Variants in CSMD1 observed in about 807,000 individuals in gnomAD.
The protein encoded by CSMD1 is CUB and Sushi multiple domains 1.
Under a neutral mutation model 417.5 loss-of-function variants are expected in CSMD1, and 213 were observed. The ratio of observed to expected loss-of-function variants is 0.51; its 90% CI spans 0.46 to 0.57. The LOEUF (loss-of-function observed/expected upper bound fraction) is 0.57. Ranked by LOEUF, CSMD1 falls within the 20% of genes least tolerant of loss-of-function variation. CSMD1 has a pLI of 0.00. For synonymous variants in CSMD1, 2,862 were observed against 1,736.8 expected, an observed-to-expected ratio of 1.65 and a Z score of -16.11; for missense variants, 6,923 against 4,529.7, an observed-to-expected ratio of 1.53 and a Z score of -15.17.
chr8:4,060,002 T>G (rs1252378622), intron 3 of CSMD1, among the ~76,000 whole-genome samples: 2 of 152,128 alleles, frequency 1.3e-5, no homozygotes, highest in Non-Finnish European at 2.9e-5. Flanking sequence ...AAAGAGAATT[T>G]TAGACCAATA....
In CSMD1 at chr8:3,411,752, G is replaced by GTATA. The variant is rs1286739507; in HGVS notation, c.1562-2151_1562-2148dup. Among the ~76,000 whole-genome samples, 26 of 119,838 alleles carry GTATA rather than the reference G, an allele frequency of 2.2e-4. 1 individual carries two copies. Among genetic ancestry groups the GTATA allele is most frequent in the Non-Finnish European group, 2.9e-4 (17 of 59,236 alleles). The allele number at this position is 119,838 out of a possible 152,430, so 78.6% of individuals were successfully genotyped here. On this transcript the variant is annotated intron_variant, in intron 12 of 69. Coordinates refer to ENST00000635120, the MANE Select transcript of CSMD1 (RefSeq NM_033225.6). ...TATATACACGTGTATATATACACGT[G>GTATA]TATATACGTGTATATACGTGTGTAT...
At chr8:4,071,264 C>T (rs565468536) in intron 3 of CSMD1, among the ~76,000 whole-genome samples, 4 of 152,054 alleles carry the variant, frequency 2.6e-5, no homozygotes, top group African/African-American at 9.7e-5. Flanking sequence ...GCCTGACGCC[C>T]TGCTTGTTAT....
At chr8:3,447,273 T>C (rs1585177831) in intron 12 of CSMD1, among the ~76,000 whole-genome samples, 2 of 152,178 alleles carry the variant, frequency 1.3e-5, no homozygotes, top group South Asian at 4.1e-4. Flanking sequence ...TATGACACAA[T>C]TTCAATAGAA....
rs143522095 is a variant in CSMD1 at position 4,196,531 on chromosome 8, C to A, written c.416-164432G>T. On this transcript the variant is annotated intron_variant, in intron 3 of 69. Coordinates refer to ENST00000635120, the MANE Select transcript of CSMD1 (RefSeq NM_033225.6). ...TGGGGCCCACATTCCCATTTCCTTG[C>A]TGGCTGTAAACTGTGAGTCATTCAT... Among the ~76,000 whole-genome samples the A allele has an allele frequency of 3.2e-3, 489 of 152,292 alleles. 4 individuals are homozygous for A. The highest frequency in any genetic ancestry group is 0.011 in the African/African-American group (473 of 41,556).
rs554430925 is a variant in CSMD1, at chr8:4,563,198, G to C, written c.302+74144C>G. ...AGGCGGATCACGAGGTCAGGAGATT[G>C]AGACCATCCTGGCTAACACGGTGAA... On this transcript the variant is annotated intron_variant, in intron 2 of 69. Transcript: ENST00000635120. Among the ~76,000 whole-genome samples, 12 of 152,178 alleles carry C rather than the reference G, an allele frequency of 7.9e-5. No individual in the cohort carries two copies. In the East Asian group the frequency reaches 2.3e-3, roughly 30 times the overall value.
At chr8:4,664,353 A>G (rs1804785938) in intron 1 of CSMD1, among the ~76,000 whole-genome samples, 1 of 152,126 alleles carries the variant, frequency 6.6e-6, no homozygotes, top group Non-Finnish European at 1.5e-5. Flanking sequence ...TGAGCTCAGG[A>G]GTTCTAGACC....
intron 12 of CSMD1, among the ~76,000 whole-genome samples, chr8:3,461,305 G>C (rs1016869322): frequency 6.6e-6 from 1 of 152,192 alleles, no homozygotes; most frequent in Non-Finnish European, 1.5e-5. Context: ...TAGAATGAGG[G>C]AATGCGCTTC....
chr8:3,448,017 T>A (rs561706032), intron 12 of CSMD1, among the ~76,000 whole-genome samples: 4 of 151,988 alleles, frequency 2.6e-5, no homozygotes, highest in African/African-American at 9.7e-5. Flanking sequence ...CACTGGGACC[T>A]CCTAACCCTG....
At position 3,423,803 on chromosome 8, in the gene CSMD1, G is replaced by C. The variant is rs145110171; in HGVS notation, c.1562-14198C>G. On this transcript the variant is annotated intron_variant, in intron 12 of 69. Coordinates refer to ENST00000635120, the MANE Select transcript of CSMD1 (RefSeq NM_033225.6). ...TAGGCACATACTTTTTGGTGAATGG[G>C]TACTCCCTCAGCGACCTTGTCTCTC... 8.2e-4 allele frequency among the ~76,000 whole-genome samples: 125 copies of C among 152,278 alleles called. 3 individuals carry two copies. In the South Asian group the frequency reaches 0.011, roughly 13 times the overall value.
chr8:4,853,788 C>A (rs954133077), intron 1 of CSMD1, among the ~76,000 whole-genome samples: 5 of 152,180 alleles, frequency 3.3e-5, no homozygotes, highest in East Asian at 3.9e-4. Context: ...AGCCACACTG[C>A]ACCCCACAAA....
intron 5 of CSMD1, among the ~76,000 whole-genome samples, chr8:3,903,872 A>G (rs1807932092): frequency 6.6e-6 from 1 of 150,830 alleles, no homozygotes; most frequent in Non-Finnish European, 1.5e-5. Flanking sequence ...TCATTGCCAT[A>G]TATATATATT....
chr8:3,377,042 T>C (rs191890430), intron 18 of CSMD1, among the ~76,000 whole-genome samples: 2 of 152,350 alleles, frequency 1.3e-5, no homozygotes, highest in East Asian at 3.9e-4. Flanking sequence ...AGAGTCTTGC[T>C]CTATTGTCCA....
At chr8:3,374,111 G>T (rs371719097) in intron 18 of CSMD1, among the ~76,000 whole-genome samples, 5 of 151,862 alleles carry the variant, frequency 3.3e-5, no homozygotes, top group Middle Eastern at 3.4e-3. Flanking sequence ...TATCACCACA[G>T]CCAGCTAATT....
At chr8:4,504,885 A>G (rs1157346503) in intron 2 of CSMD1, among the ~76,000 whole-genome samples, 2 of 152,134 alleles carry the variant, frequency 1.3e-5, no homozygotes, top group Admixed American at 1.3e-4. Flanking sequence ...TCTGTCATTG[A>G]TGGGCATTTG....
intron 3 of CSMD1, among the ~76,000 whole-genome samples, chr8:4,213,424 G>C (rs1335856099): frequency 2.0e-5 from 3 of 152,118 alleles, no homozygotes; most frequent in African/African-American, 7.2e-5. Context: ...TAGTGCTTAT[G>C]GTAATAGCTA....
intron 3 of CSMD1, among the ~76,000 whole-genome samples, chr8:4,413,103 C>T (rs897137628): frequency 6.6e-6 from 1 of 152,006 alleles, no homozygotes; most frequent in Non-Finnish European, 1.5e-5. Context: ...ATTTCATGGC[C>T]CTCAAATTAA....
intron 3 of CSMD1, among the ~76,000 whole-genome samples, chr8:4,226,092 A>ACG (rs1801339182): frequency 6.6e-6 from 1 of 150,892 alleles, no homozygotes; most frequent in African/African-American, 2.5e-5. Flanking sequence ...ACACACACAC[A>ACG]CACACACACA....
chr8:3,986,296 GT>G (rs1814316027), intron 5 of CSMD1, among the ~76,000 whole-genome samples: 1 of 152,194 alleles, frequency 6.6e-6, no homozygotes, highest in Admixed American at 6.5e-5. Flanking sequence ...CCTTCCCTAT[GT>G]TTCTAAAAGC....
At chr8:3,758,696 T>C (rs1249749905) in intron 5 of CSMD1, among the ~76,000 whole-genome samples, 1 of 152,176 alleles carries the variant, frequency 6.6e-6, no homozygotes, top group Admixed American at 6.5e-5. Flanking sequence ...CTGAATGGCT[T>C]TGTGGGAGGC....
Sources: allele counts gnomAD v4.1 joint callset (sites outside exome capture counted in the v4.1 genomes callset), GRCh38; gene constraint gnomAD v4.1.1; transcripts MANE v1.5; gene names NCBI Gene and HGNC (gene_info 2026-07-23, HGNC 2026-07-21).